The following CPA4 variants were observed in gnomAD, a reference collection of about 807,000 sequenced individuals.
CPA4 encodes the protein carboxypeptidase A3.
Under a neutral mutation model 54.7 loss-of-function variants are expected in CPA4, and 49 were observed. The ratio of observed to expected loss-of-function variants is 0.90; its 90% CI spans 0.71 to 1.14. The LOEUF (loss-of-function observed/expected upper bound fraction) is 1.14. CPA4 is among the 50% of genes most tolerant of loss of function. The pLI is 0.00. For missense variants in CPA4, 487 were observed against 525.1 expected (o/e 0.93, Z 0.71); for synonymous variants, 215 against 206.8 (o/e 1.04, Z -0.34).
chr7:130,308,850 C>CTTTTTTTTTTT lies in CPA4; in HGVS notation c.793+458_793+468dup, dbSNP rs1249548992. Among the ~76,000 whole-genome samples, 5 of 120,274 alleles carry CTTTTTTTTTTT rather than the reference C, an allele frequency of 4.2e-5. 1 individual carries two copies. The highest frequency in any genetic ancestry group is 1.4e-4 in the African/African-American group (4 of 28,052). 78.9% of individuals were successfully genotyped at this position (120,274 alleles called of 152,430 possible). ...ATAGCCGTAAGCCACCTAGCCCAGC[C>CTTTTTTTTTTT]TTTTTTTTTTTTTTTGAGACAGAGT... On this transcript the variant is annotated intron_variant, in intron 8 of 10. Coordinates refer to ENST00000222482, the MANE Select transcript of CPA4 (RefSeq NM_016352.4).
chr7:130,298,650 C>A, intron 1 of CPA4, 96 bp from the exon 2 acceptor site: 1 of 733,414 alleles, frequency 1.4e-6, no homozygotes, highest in Non-Finnish European at 2.4e-6. Flanking sequence ...TTCTTTTGGC[C>A]TGGTTACGTC....
chr7:130,299,427 C>A, intron 3 of CPA4, 23 bp downstream of exon 3: 1 of 1,610,484 alleles, frequency 6.2e-7, no homozygotes, highest in Non-Finnish European at 8.5e-7. Flanking sequence ...TGCCTCCTGC[C>A]TCCTGCTCTT....
chr7:130,306,729 C>A, intron 6 of CPA4, 58 bp from the exon 7 acceptor site: 1 of 981,964 alleles, frequency 1.0e-6, no homozygotes, highest in South Asian at 1.3e-5. Flanking sequence ...ATACATGGTT[C>A]AGCCCTAATG....
At chr7:130,315,875 T>C (rs1206583304) in intron 10 of CPA4, among the ~76,000 whole-genome samples, 4 of 152,188 alleles carry the variant, frequency 2.6e-5, no homozygotes, top group Non-Finnish European at 4.4e-5. Context: ...CCTTTATATC[T>C]GGGGTTATGT....
At chr7:130,303,364 A>T (rs1217650835) in intron 4 of CPA4, among the ~76,000 whole-genome samples, 1 of 152,244 alleles carries the variant, frequency 6.6e-6, no homozygotes, top group South Asian at 2.1e-4. Flanking sequence ...GGGCACATGT[A>T]TCCACAGGAT....
At position 130,305,135 on chromosome 7, in the gene CPA4, G is replaced by A. The variant is rs115422827; in HGVS notation, c.486+556G>A. Among the ~76,000 whole-genome samples the A allele has an allele frequency of 2.5e-3, 375 of 152,272 alleles. 3 individuals carry two copies. The highest frequency in any genetic ancestry group is 8.6e-3 in the African/African-American group (359 of 41,554). On this transcript the variant is annotated intron_variant, in intron 5 of 10. Transcript: ENST00000222482. ...TGAATGAATAAGAAGGAATTTGGGCGTATAACCCATGGAACACCAATGGTG... is the reference window on the plus strand; with the variant it reads ...TGAATGAATAAGAAGGAATTTGGGCATATAACCCATGGAACACCAATGGTG...
intron 6 of CPA4, 102 bp downstream of exon 6, chr7:130,306,022 C>T: frequency 1.1e-6 from 1 of 929,354 alleles, no homozygotes; most frequent in Non-Finnish European, 1.7e-6. Flanking sequence ...GGGTTCTCTA[C>T]TAAGACCCAG....
At position 130,306,840 on chromosome 7, in the gene CPA4, G is replaced by A. The variant is rs1026234103; in HGVS notation, c.645G>A (p.Met215Ile). The change falls in exon 7 of 11, where the codon ATG (methionine) becomes ATA (isoleucine). Residue 215 changes from methionine (M) to isoleucine (I), a missense_variant. Met to Ile is a conservative substitution (Grantham distance 10). Transcript: ENST00000222482. ...DPAITSILEK[M>I]DIFLLPVANP... ...CTATCACCTCCATCTTGGAGAAAAT[G>A]GATATTTTCTTGTTGCCTGTGGCCA... 6.2e-7 allele frequency: 1 copy of A among 1,612,242 alleles called. No homozygotes were observed. The highest frequency in any genetic ancestry group is 1.3e-5 in the African/African-American group (1 of 74,882).
intron 7 of CPA4, among the ~76,000 whole-genome samples, chr7:130,307,357 C>T (rs534134174): frequency 8.5e-5 from 13 of 152,230 alleles, no homozygotes; most frequent in Non-Finnish European, 1.5e-4. Flanking sequence ...CGAGGCCAGG[C>T]GCGGTGGCTC....
chr7:130,304,564 G>A lies in CPA4; in HGVS notation c.471G>A (p.Pro157=), dbSNP rs28369154. The A allele has an allele frequency of 2.5e-5, 40 of 1,610,022 alleles. No individual in the cohort carries two copies. The highest frequency in any genetic ancestry group is 5.3e-5 in the African/African-American group (4 of 74,920). The change falls in exon 5 of 11, where the codon CCG becomes CCA. Residue 157 remains proline (P), a synonymous_variant. Transcript: ENST00000222482. ...VKIGHSFENR[P]MYVLKFSTGK... ...TTGGACATTCGTTTGAAAACCGGCC[G>A]ATGTATGTACTGAAGGTGAGGCCAC...
In CPA4 at chr7:130,293,253, G is replaced by GTCCAAAAGGAAC; in HGVS notation, c.68+6_68+7insCCAAAAGGAACT. On this transcript the variant is annotated splice_donor_region_variant and intron_variant, in intron 1 of 10. Transcript: ENST00000222482. Reference sequence around the variant, plus strand: ...TGGCCAAGAAAAATTTTTTGGGTAAGTTCCTTTTGGACTTATTATTTGGTT... The same window carrying GTCCAAAAGGAAC: ...TGGCCAAGAAAAATTTTTTGGGTAAGTCCAAAAGGAACTTCCTTTTGGACTTATTATTTGGTT... The GTCCAAAAGGAAC allele has an allele frequency of 6.4e-7, 1 of 1,558,986 alleles. No individual in the cohort carries two copies. Among genetic ancestry groups the GTCCAAAAGGAAC allele is most frequent in the Non-Finnish European group, 8.8e-7 (1 of 1,130,090 alleles).
chr7:130,304,571 G>C lies in CPA4; in HGVS notation c.478G>C (p.Val160Leu), dbSNP rs763567985. ...GHSFENRPMYVLKFSTGKGVR... is the reference protein window; with the variant it reads ...GHSFENRPMYLLKFSTGKGVR... ...TTCGTTTGAAAACCGGCCGATGTAT[G>C]TACTGAAGGTGAGGCCACATGCACT... Residue 160 changes from valine to leucine, a missense_variant, in exon 5 of 11, where the codon GTA becomes CTA. Coordinates refer to ENST00000222482, the MANE Select transcript of CPA4 (RefSeq NM_016352.4). 1.9e-6 allele frequency: 3 copies of C among 1,603,112 alleles called. No individual in the cohort carries two copies. In the Admixed American group the frequency reaches 5.0e-5, roughly 27 times the overall value.
chr7:130,304,698 GAC>G lies in CPA4; in HGVS notation c.486+123_486+124del. On this transcript the variant is annotated intron_variant, in intron 5 of 10. Coordinates refer to ENST00000222482, the MANE Select transcript of CPA4 (RefSeq NM_016352.4). ...ACTTCAGGGAGGAAAGCGAGGTCAGGACACATTGTACCTGGGCTGGAACTTGG... is the reference window on the plus strand; with the variant it reads ...ACTTCAGGGAGGAAAGCGAGGTCAGGACATTGTACCTGGGCTGGAACTTGG... 5.6e-6 allele frequency: 4 copies of G among 715,244 alleles called. No individual in the cohort carries two copies. In the East Asian group the frequency reaches 1.0e-4, roughly 18 times the overall value. The allele number at this position is 715,244 out of a possible 1,614,324, so 44.3% of individuals were successfully genotyped here.
chr7:130,320,068 A>G (rs1794064120), intron 10 of CPA4, among the ~76,000 whole-genome samples: 1 of 152,152 alleles, frequency 6.6e-6, no homozygotes, highest in African/African-American at 2.4e-5. Context: ...TCTGAGCCCC[A>G]ACCCTTGTAA....
In CPA4 at chr7:130,322,826, AGTCGTGT is replaced by A; in HGVS notation, c.*154_*160del. 1.4e-6 allele frequency: 1 copy of A among 709,784 alleles called. No individual in the cohort carries two copies. The highest frequency in any genetic ancestry group is 2.2e-6 in the Non-Finnish European group (1 of 445,976). The allele number at this position is 709,784 out of a possible 1,614,324, so 44.0% of individuals were successfully genotyped here. ...TGCCCCTCTCCAGCCAGCTCCCTGG[AGTCGTGT>A]GTCCTGGCAGTGTCCCTGCAAGAAC... On this transcript the variant is annotated 3_prime_UTR_variant, in exon 11 of 11. Coordinates refer to ENST00000222482, the MANE Select transcript of CPA4 (RefSeq NM_016352.4).
At chr7:130,302,661 G>T (rs1357210875) in intron 4 of CPA4, among the ~76,000 whole-genome samples, 2 of 152,182 alleles carry the variant, frequency 1.3e-5, no homozygotes, top group Non-Finnish European at 2.9e-5. Context: ...CCTGGACACA[G>T]CTTGGTGTTT....
intron 9 of CPA4, 127 bp from the exon 10 acceptor site, chr7:130,311,911 A>G: frequency 1.4e-6 from 1 of 709,238 alleles, no homozygotes; most frequent in South Asian, 1.7e-5. Context: ...GGCGAAGGGG[A>G]AACAAGGGAC....
rs775976932 is a variant in CPA4, at chr7:130,305,849, G to A, written c.520G>A (p.Val174Ile). The A allele has an allele frequency of 3.5e-5, 57 of 1,614,060 alleles. No individual in the cohort carries two copies. Among genetic ancestry groups the A allele is most frequent in the East Asian group, 2.0e-4 (9 of 44,892 alleles). ...STGKGVRRPA[V>I]WLNAGIHSRE... ...TGGGAAAGGCGTGAGGCGGCCGGCC[G>A]TTTGGCTGAATGCAGGCATCCATTC... Residue 174 changes from valine (V) to isoleucine (I), a missense_variant, in exon 6 of 11, where the codon GTT becomes ATT. By Grantham distance (29) the Val-to-Ile change is conservative. Transcript: ENST00000222482.
At chr7:130,320,918 G>T (rs1173117817) in intron 10 of CPA4, among the ~76,000 whole-genome samples, 2 of 152,236 alleles carry the variant, frequency 1.3e-5, no homozygotes, top group Non-Finnish European at 2.9e-5. Context: ...ATGTCATCCA[G>T]GCCAGGCGTG....
Sources: gnomAD v4.1 joint callset for allele counts (sites outside exome capture counted in the v4.1 genomes callset) on GRCh38, gnomAD v4.1.1 for gene constraint, MANE v1.5 for transcripts, NCBI Gene and HGNC (gene_info 2026-07-23, HGNC 2026-07-21) for gene names.